The following RIMBP2 variants were observed in gnomAD, a reference collection of about 807,000 sequenced individuals.
The protein encoded by RIMBP2 is RIMS-binding protein 2.
In RIMBP2, 48 loss-of-function variants were observed where a neutral mutation model predicts 118.6. The ratio of observed to expected loss-of-function variants is 0.40; its 90% confidence interval spans 0.32 to 0.51. RIMBP2 has a LOEUF of 0.51. Ranked by LOEUF, RIMBP2 falls within the 20% of genes least tolerant of loss-of-function variation. RIMBP2 has a pLI of 0.41. For missense variants in RIMBP2, 1,551 were observed against 1,768.3 expected, an observed-to-expected ratio of 0.88 and a Z score of 2.20; for synonymous variants, 762 against 742.9, an observed-to-expected ratio of 1.03 and a Z score of -0.42.
intron 20 of RIMBP2, among the ~76,000 whole-genome samples, chr12:130,407,122 T>C (rs566200943): frequency 6.6e-6 from 1 of 152,222 alleles, no homozygotes; most frequent in South Asian, 2.1e-4. Flanking sequence ...ATTTTCTTTC[T>C]AAATGTCAAA....
chr12:130,466,017 C>T (rs181336914), intron 6 of RIMBP2: 2 of 152,314 alleles, frequency 1.3e-5, no homozygotes, highest in South Asian at 4.2e-4. Flanking sequence ...TATCTGAGAC[C>T]CTCAGGCAGG....
intron 1 of RIMBP2, among the ~76,000 whole-genome samples, chr12:130,640,798 T>G (rs1404924285): frequency 1.3e-5 from 2 of 152,066 alleles, no homozygotes; most frequent in African/African-American, 4.8e-5. Flanking sequence ...CCCCCTAAGT[T>G]AGAGGATCAA....
intron 2 of RIMBP2, among the ~76,000 whole-genome samples, chr12:130,522,903 A>AG (rs1271918822): frequency 1.3e-5 from 2 of 152,148 alleles, no homozygotes; most frequent in African/African-American, 4.8e-5. Context: ...CTAATCCAAC[A>AG]GGGACCGGGG....
At chr12:130,404,458 C>G (rs906718717) in intron 21 of RIMBP2, among the ~76,000 whole-genome samples, 1 of 152,112 alleles carries the variant, frequency 6.6e-6, no homozygotes, top group Non-Finnish European at 1.5e-5. Context: ...CCACCACGCC[C>G]GGCTAATTCT....
intron 1 of RIMBP2, among the ~76,000 whole-genome samples, chr12:130,692,805 A>G (rs731850): frequency 0.074 from 9,626 of 129,438 alleles, 1,064 homozygotes; most frequent in African/African-American, 0.25. Flanking sequence ...AGAATGGAAA[A>G]GTGGGATGGG....
chr12:130,406,071 T>G lies in RIMBP2; in HGVS notation c.3765+101A>C, dbSNP rs568098140. On this transcript the variant is annotated intron_variant, in intron 21 of 22. Coordinates refer to ENST00000690449, the MANE Select transcript of RIMBP2 (RefSeq NM_001393629.1). Reference sequence around the variant, plus strand: ...GCTATCAGCAGGCGTATGACGTTCATGCCCAATTTTAAGAGAAGGAACGGA... The same window carrying G: ...GCTATCAGCAGGCGTATGACGTTCAGGCCCAATTTTAAGAGAAGGAACGGA... The G allele has an allele frequency of 1.4e-4, 108 of 750,372 alleles. 1 individual carries two copies. The highest frequency in any genetic ancestry group is 2.3e-4 in the Non-Finnish European group (99 of 433,160). The allele number at this position is 750,372 out of a possible 1,614,324, so 46.5% of individuals were successfully genotyped here. A position where few individuals can be genotyped will look rare whatever the true frequency, so the allele number is the denominator to read the frequency against.
chr12:130,440,401 C>T (rs2078021802), intron 11 of RIMBP2, among the ~76,000 whole-genome samples: 1 of 152,140 alleles, frequency 6.6e-6, no homozygotes, highest in African/African-American at 2.4e-5. Flanking sequence ...CAGACACGTC[C>T]CTCCAGTTTA....
intron 4 of RIMBP2, among the ~76,000 whole-genome samples, chr12:130,481,169 C>T (rs2081976233): frequency 6.6e-6 from 1 of 151,672 alleles, no homozygotes; most frequent in Non-Finnish European, 1.5e-5. Context: ...CGGGGGCACC[C>T]AGGCTCAGGG....
At chr12:130,698,310 C>T (rs1189058764) in intron 1 of RIMBP2, among the ~76,000 whole-genome samples, 1 of 152,198 alleles carries the variant, frequency 6.6e-6, no homozygotes, top group Non-Finnish European at 1.5e-5. Flanking sequence ...CCTTAACTTG[C>T]TCACTTCAGA....
chr12:130,638,295 A>G (rs1357630555), intron 1 of RIMBP2, among the ~76,000 whole-genome samples: 1 of 152,236 alleles, frequency 6.6e-6, no homozygotes. Context: ...ATAACTCAAC[A>G]CTTTTAAAAA....
chr12:130,603,455 T>C (rs2059985308), intron 2 of RIMBP2, among the ~76,000 whole-genome samples: 1 of 152,216 alleles, frequency 6.6e-6, no homozygotes, highest in Non-Finnish European at 1.5e-5. Flanking sequence ...AAGGAAAATT[T>C]GTCAGCCCCA....
chr12:130,645,747 T>C (rs61936785), intron 1 of RIMBP2, among the ~76,000 whole-genome samples: 7,384 of 152,298 alleles, frequency 0.048, 228 homozygotes, highest in Non-Finnish European at 0.072. Flanking sequence ...ATCTCTTCCT[T>C]ATCGCTGGAC....
At chr12:130,606,892 C>T (rs768196083) in intron 2 of RIMBP2, among the ~76,000 whole-genome samples, 13 of 152,174 alleles carry the variant, frequency 8.5e-5, no homozygotes, top group Non-Finnish European at 1.3e-4. Flanking sequence ...GGTGCAGTAG[C>T]GCGATCTCAG....
chr12:130,542,287 A>G (rs181135729), intron 2 of RIMBP2, among the ~76,000 whole-genome samples: 1 of 150,008 alleles, frequency 6.7e-6, no homozygotes, highest in Non-Finnish European at 1.5e-5. Context: ...AGCAGCAGGA[A>G]GTGACTGCAG....
At chr12:130,639,333 G>T (rs1247430761) in intron 1 of RIMBP2, among the ~76,000 whole-genome samples, 1 of 148,124 alleles carries the variant, frequency 6.8e-6, no homozygotes, top group Non-Finnish European at 1.5e-5. Flanking sequence ...AAGTTGCATT[G>T]AGCCAAGATC....
intron 5 of RIMBP2, among the ~76,000 whole-genome samples, chr12:130,476,866 T>C (rs1258588437): frequency 2.6e-5 from 4 of 152,162 alleles, no homozygotes; most frequent in African/African-American, 9.7e-5. Context: ...GAGTGGCTGC[T>C]TGGAGGGGCA....
intron 2 of RIMBP2, among the ~76,000 whole-genome samples, chr12:130,519,811 C>G (rs1239171508): frequency 1.3e-5 from 2 of 152,190 alleles, no homozygotes; most frequent in African/African-American, 2.4e-5. Flanking sequence ...TAAATGTGAC[C>G]TTGGACAAGC....
intron 1 of RIMBP2, among the ~76,000 whole-genome samples, chr12:130,702,342 C>T (rs1440751201): frequency 6.6e-6 from 1 of 151,922 alleles, no homozygotes; most frequent in Non-Finnish European, 1.5e-5. Flanking sequence ...TATGGAGAAA[C>T]CCCATCTTTA....
At chr12:130,604,518 C>CT (rs1445079628) in intron 2 of RIMBP2, among the ~76,000 whole-genome samples, 27 of 132,764 alleles carry the variant, frequency 2.0e-4, no homozygotes, top group African/African-American at 7.0e-4. Flanking sequence ...CACTCACTCA[C>CT]CAGAGCAACT....
Sources: allele counts gnomAD v4.1 joint callset (sites outside exome capture counted in the v4.1 genomes callset), GRCh38; gene constraint gnomAD v4.1.1; transcripts MANE v1.5; gene names NCBI Gene and HGNC (gene_info 2026-07-23, HGNC 2026-07-21).